CCDC40: variants seen among roughly 807,000 people sequenced by gnomAD.
CCDC40 encodes the protein coiled-coil domain 40 molecular ruler complex subunit, also known as coiled-coil domain-containing protein 40.
CCDC40 carries 104 observed loss-of-function variants against 124.5 expected under a neutral mutation model. That is an observed-to-expected ratio of 0.84 (90% CI 0.71 to 0.98). The LOEUF (loss-of-function observed/expected upper bound fraction) is 0.98. Ranked by LOEUF, CCDC40 falls within the 50% of genes least tolerant of loss-of-function variation. The pLI is 0.00. For synonymous variants in CCDC40, 580 were observed against 602.9 expected (o/e 0.96, Z 0.56); for missense variants, 1,463 against 1,503.9 (o/e 0.97, Z 0.45).
intron 10 of CCDC40, among the ~76,000 whole-genome samples, chr17:80,073,799 G>A (rs541089197): frequency 2.0e-5 from 3 of 152,218 alleles, no homozygotes; most frequent in East Asian, 1.9e-4. Flanking sequence ...GGGTTCAAGC[G>A]ATTCTCCTGC....
intron 10 of CCDC40, among the ~76,000 whole-genome samples, chr17:80,073,435 G>A (rs570173649): frequency 2.6e-5 from 4 of 152,276 alleles, no homozygotes; most frequent in Admixed American, 6.5e-5. Context: ...GTCATCGTCC[G>A]TTATGGTGAT....
At chr17:80,094,043 C>T (rs558386878) in intron 17 of CCDC40, among the ~76,000 whole-genome samples, 10 of 152,068 alleles carry the variant, frequency 6.6e-5, no homozygotes, top group Non-Finnish European at 1.0e-4. Context: ...TGCTTATCTT[C>T]GGGATTCTTG....
intron 17 of CCDC40, chr17:80,090,649 C>A: frequency 2.1e-6 from 3 of 1,442,394 alleles, no homozygotes; most frequent in Admixed American, 2.7e-5. Context: ...GCACCCCCAT[C>A]TCATCCTTCA....
intron 10 of CCDC40, chr17:80,067,545 G>A (rs1176333375): frequency 9.2e-6 from 14 of 1,514,966 alleles, no homozygotes; most frequent in East Asian, 4.9e-5. Flanking sequence ...TATAAACACC[G>A]CTCGTTCCCG....
intron 17 of CCDC40, among the ~76,000 whole-genome samples, chr17:80,092,698 C>G (rs2038743925): frequency 6.6e-6 from 1 of 151,936 alleles, no homozygotes; most frequent in East Asian, 1.9e-4. Flanking sequence ...GCAGCCTTGA[C>G]CTTGTGGGCT....
intron 3 of CCDC40, among the ~76,000 whole-genome samples, chr17:80,046,556 T>TAATAATAATAATAAA (rs1482898475): frequency 6.6e-6 from 1 of 151,234 alleles, no homozygotes; most frequent in African/African-American, 2.4e-5. Flanking sequence ...ATAATAATAA[T>TAATAATAATAATAAA]AAAAGAGTGG....
chr17:80,085,013 G>T (rs1413639138), intron 13 of CCDC40, 25 bp downstream of exon 13: 2 of 1,611,648 alleles, frequency 1.2e-6, no homozygotes, highest in African/African-American at 1.3e-5. Flanking sequence ...AGGGAGACGT[G>T]GTCCCCGGCT....
rs1165105123 is a variant in CCDC40, at chr17:80,047,148, GT to G, written c.553-125del. 209 of 1,077,984 alleles carry G rather than the reference GT, an allele frequency of 1.9e-4. No homozygotes were observed. In the East Asian group the frequency reaches 5.0e-3, roughly 26 times the overall value. The allele number at this position is 1,077,984 out of a possible 1,614,324, so 66.8% of individuals were successfully genotyped here. On this transcript the variant is annotated intron_variant, in intron 3 of 19. Coordinates refer to ENST00000397545, the MANE Select transcript of CCDC40 (RefSeq NM_017950.4). ...AGGCATGAGCCACGTGCCCGGCCAG[GT>G]TTTTTAAAAAACACACAGGTGACTA...
intron 19 of CCDC40, among the ~76,000 whole-genome samples, chr17:80,098,180 G>A (rs549102315): frequency 2.6e-5 from 4 of 152,342 alleles, no homozygotes; most frequent in South Asian, 2.1e-4. Context: ...CTGAGACTGC[G>A]CAAGGGCTAC....
chr17:80,098,237 A>C (rs547343829), intron 19 of CCDC40, among the ~76,000 whole-genome samples: 2 of 152,354 alleles, frequency 1.3e-5, no homozygotes, highest in South Asian at 4.1e-4. Flanking sequence ...TGTAAGACCC[A>C]GGCAGAGAGG....
intron 9 of CCDC40, among the ~76,000 whole-genome samples, chr17:80,059,591 G>A (rs1006912291): frequency 8.1e-5 from 12 of 148,354 alleles, no homozygotes; most frequent in African/African-American, 3.0e-4. Context: ...ACAGAGTCTC[G>A]CTCTGTCGCC....
intron 7 of CCDC40, among the ~76,000 whole-genome samples, chr17:80,055,745 C>T (rs902231000): frequency 2.2e-4 from 33 of 151,702 alleles, no homozygotes; most frequent in Admixed American, 8.6e-4. Context: ...AGGAAGTTTT[C>T]GTCTCTTTTC....
chr17:80,077,699 G>T (rs193259468), intron 10 of CCDC40, among the ~76,000 whole-genome samples: 1 of 152,124 alleles, frequency 6.6e-6, no homozygotes, highest in African/African-American at 2.4e-5. Context: ...GTGGTGCATC[G>T]CCTTGCGGTC....
chr17:80,051,478 A>C (rs891591125), intron 7 of CCDC40, among the ~76,000 whole-genome samples: 9 of 150,964 alleles, frequency 6.0e-5, no homozygotes, highest in Non-Finnish European at 1.2e-4. Flanking sequence ...AAATACAAAA[A>C]ATTAGCCGGG....
At chr17:80,083,226 A>G (rs2038501202) in intron 12 of CCDC40, among the ~76,000 whole-genome samples, 2 of 148,462 alleles carry the variant, frequency 1.3e-5, no homozygotes, top group Non-Finnish European at 3.0e-5. Flanking sequence ...GGGAGGGGGG[A>G]GGCAGGGAGT....
At chr17:80,044,699 AAACAAAC>A (rs1485306841) in intron 3 of CCDC40, among the ~76,000 whole-genome samples, 1,121 of 35,418 alleles carry the variant, frequency 0.032, 20 homozygotes, top group Non-Finnish European at 0.038. Context: ...AAAACAAAAC[AAACAAAC>A]AAAAAAAAAA....
chr17:80,063,181 G>A (rs1161851980), intron 9 of CCDC40, among the ~76,000 whole-genome samples: 1 of 149,954 alleles, frequency 6.7e-6, no homozygotes. Flanking sequence ...GGTGACGAGA[G>A]TAAAAGTGTC....
At chr17:80,061,678 C>G (rs1264048205) in intron 9 of CCDC40, among the ~76,000 whole-genome samples, 1 of 152,202 alleles carries the variant, frequency 6.6e-6, no homozygotes, top group East Asian at 1.9e-4. Context: ...GGGGCAACAG[C>G]AGGGCCCCTG....
At chr17:80,048,125 G>T (rs1366589594) in intron 4 of CCDC40, among the ~76,000 whole-genome samples, 2 of 152,160 alleles carry the variant, frequency 1.3e-5, no homozygotes. Context: ...CGGGCGTGGT[G>T]GCGGGTGCCT....
Sources: gnomAD v4.1 joint callset for allele counts (sites outside exome capture counted in the v4.1 genomes callset) on GRCh38, gnomAD v4.1.1 for gene constraint, MANE v1.5 for transcripts, NCBI Gene and HGNC (gene_info 2026-07-23, HGNC 2026-07-21) for gene names.